MED12L: variants seen among roughly 807,000 people sequenced by gnomAD.
MED12L encodes mediator complex subunit 12L.
Under a neutral mutation model 281.3 loss-of-function variants are expected in MED12L, and 60 were observed. The observed-to-expected ratio is 0.21, with a 90% CI of 0.17 to 0.26. The LOEUF (loss-of-function observed/expected upper bound fraction) is 0.26, where lower values mean the gene tolerates loss of function less well. MED12L is among the 10% of genes least tolerant of loss of function. The pLI, the probability that MED12L is intolerant of heterozygous loss-of-function variation, is 1.00. For missense variants in MED12L, 2,146 were observed against 2,680.9 expected, an observed-to-expected ratio of 0.80 and a Z score of 4.41; for synonymous variants, 974 against 987.2, an observed-to-expected ratio of 0.99 and a Z score of 0.25.
intron 41 of MED12L, among the ~76,000 whole-genome samples, chr3:151,411,938 G>T (rs140518915): frequency 1.3e-5 from 2 of 152,194 alleles, no homozygotes; most frequent in Admixed American, 1.3e-4. Context: ...GCACATGAGA[G>T]TTTTGTTATA....
intron 16 of MED12L, among the ~76,000 whole-genome samples, chr3:151,336,227 A>ACTGGG (rs1750967170): frequency 1.3e-5 from 2 of 152,222 alleles, no homozygotes; most frequent in South Asian, 4.1e-4. Context: ...TACATAGCAG[A>ACTGGG]AATTATTACT....
At chr3:151,155,378 A>G (rs1411791268) in intron 5 of MED12L, among the ~76,000 whole-genome samples, 2 of 152,168 alleles carry the variant, frequency 1.3e-5, no homozygotes, top group African/African-American at 4.8e-5. Flanking sequence ...TTTTTGAACA[A>G]TTTCAGTGAT....
intron 8 of MED12L, among the ~76,000 whole-genome samples, chr3:151,161,129 G>A (rs932023844): frequency 5.3e-5 from 8 of 152,312 alleles, no homozygotes; most frequent in East Asian, 1.9e-4. Flanking sequence ...TGTAATTGTC[G>A]TTAGATTGAT....
chr3:151,280,630 G>GC (rs1742656998), intron 16 of MED12L, among the ~76,000 whole-genome samples: 1 of 152,032 alleles, frequency 6.6e-6, no homozygotes, highest in South Asian at 2.1e-4. Context: ...GGGCTTGTGA[G>GC]CAGTCAGCTT....
At position 151,193,525 on chromosome 3, in the gene MED12L, T is replaced by C. The variant is rs749450428; in HGVS notation, c.2109T>C (p.Asn703=). The change falls in exon 16 of 45, where the codon AAT becomes AAC. Residue 703 remains asparagine, a synonymous_variant. Transcript: ENST00000687756. ...FSPMPGESCE[N]ANTSLGRRMS... ...CTATGCCTGGAGAATCCTGTGAGAATGCCAACACTTCGTTGGGCAGAAGAA... is the reference window on the plus strand; with the variant it reads ...CTATGCCTGGAGAATCCTGTGAGAACGCCAACACTTCGTTGGGCAGAAGAA... The C allele has an allele frequency of 3.2e-5, 51 of 1,613,882 alleles. No homozygotes were observed. Among genetic ancestry groups the C allele is most frequent in the Non-Finnish European group, 4.1e-5 (48 of 1,179,936 alleles).
At chr3:151,287,121 T>G (rs1743611678) in intron 16 of MED12L, among the ~76,000 whole-genome samples, 1 of 152,214 alleles carries the variant, frequency 6.6e-6, no homozygotes, top group African/African-American at 2.4e-5. Context: ...TATTTTAATG[T>G]TATTAGAAAA....
rs373157813 is a variant in MED12L, at chr3:151,223,911, A to G, written c.2250+30245A>G. 5.3e-4 allele frequency among the ~76,000 whole-genome samples: 81 copies of G among 152,328 alleles called. 1 individual carries two copies. In the South Asian group the frequency reaches 0.017, roughly 31 times the overall value. On this transcript the variant is annotated intron_variant, in intron 16 of 44. Transcript: ENST00000687756. ...AGCAAGTCCAGCCTCCTTACACCCA[A>G]CCAAATACCTCGTGTTTTAACTTAC...
chr3:151,333,370 T>A (rs1750567552), intron 16 of MED12L, among the ~76,000 whole-genome samples: 1 of 152,230 alleles, frequency 6.6e-6, no homozygotes, highest in Non-Finnish European at 1.5e-5. Context: ...CAGTAGTGTG[T>A]AAGTGTTCCC....
rs1311145111 is a variant in MED12L at position 151,397,711 on chromosome 3, C to T, written c.5820+2844C>T. ...TCGTGCTATGGCAGGAAGATTTTCTCAGGTTACTCACCCACATATGATATG... is the reference window on the plus strand; with the variant it reads ...TCGTGCTATGGCAGGAAGATTTTCTTAGGTTACTCACCCACATATGATATG... On this transcript the variant is annotated intron_variant, in intron 39 of 44. Transcript: ENST00000687756. 5.9e-5 allele frequency among the ~76,000 whole-genome samples: 9 copies of T among 152,176 alleles called. 1 individual carries two copies. In the South Asian group the frequency reaches 1.9e-3, roughly 31 times the overall value.
chr3:151,116,375 A>G lies in MED12L; in HGVS notation c.137A>G (p.Asn46Ser), dbSNP rs774912832. The change falls in exon 3 of 45, where the codon AAT (asparagine) becomes AGT (serine). Residue 46 changes from asparagine to serine, a missense_variant. Physicochemically the swap from Asn to Ser is conservative, Grantham distance 46 (BLOSUM62 1). Around this residue, in one of 9 missense-constraint regions of MED12L, gnomAD observed 722 missense variants for 861.2 expected, o/e 0.84. Transcript: ENST00000687756. ...LTAVNVKQGF[N>S]NQPAFTGDEH... ...GCTGTGAATGTAAAGCAAGGCTTCA[A>G]TAATCAGCCAGCCTTCACTGGAGAT... The G allele has an allele frequency of 2.1e-5, 34 of 1,613,578 alleles. No individual in the cohort carries two copies. The highest frequency in any genetic ancestry group is 6.7e-5 in the Admixed American group (4 of 60,012).
chr3:151,426,062 T>G (rs1327214473), intron 43 of MED12L, among the ~76,000 whole-genome samples: 1 of 152,204 alleles, frequency 6.6e-6, no homozygotes, highest in Non-Finnish European at 1.5e-5. Flanking sequence ...ATACATAGAT[T>G]ATGATTTGGG....
At chr3:151,099,000 A>G (rs1421073950) in intron 2 of MED12L, among the ~76,000 whole-genome samples, 1 of 151,818 alleles carries the variant, frequency 6.6e-6, no homozygotes, top group Non-Finnish European at 1.5e-5. Context: ...TGAAAGGGAA[A>G]ACCCCTTATA....
intron 11 of MED12L, among the ~76,000 whole-genome samples, chr3:151,169,917 C>T (rs1034290100): frequency 3.3e-5 from 5 of 152,232 alleles, no homozygotes; most frequent in African/African-American, 9.6e-5. Context: ...GTTGCATAGC[C>T]TGCTTCTTCA....
intron 43 of MED12L, among the ~76,000 whole-genome samples, chr3:151,423,185 ATT>A (rs879294860): frequency 1.4e-5 from 2 of 144,040 alleles, no homozygotes; most frequent in African/African-American, 2.5e-5. Context: ...ATGCCCAGCT[ATT>A]TTTTTTTTTT....
chr3:151,356,107 G>A (rs1753884687), intron 19 of MED12L, 68 bp downstream of exon 19: 1 of 1,499,726 alleles, frequency 6.7e-7, no homozygotes, highest in South Asian at 1.3e-5. Context: ...GCAATTTAAA[G>A]TGAGCCAATT....
At chr3:151,329,099 A>G (rs987614742) in intron 16 of MED12L, 2 of 876,668 alleles carry the variant, frequency 2.3e-6, no homozygotes, top group Admixed American at 2.7e-5. Flanking sequence ...CTTTATGTTT[A>G]TAGCATATTA....
intron 16 of MED12L, among the ~76,000 whole-genome samples, chr3:151,255,794 T>C (rs1396540117): frequency 6.6e-6 from 1 of 152,176 alleles, no homozygotes; most frequent in Non-Finnish European, 1.5e-5. Flanking sequence ...CATATGGAGT[T>C]AAATTTGGAT....
At chr3:151,389,868 C>A in intron 37 of MED12L, 111 bp from the exon 38 acceptor site, 1 of 1,003,196 alleles carries the variant, frequency 1.0e-6, no homozygotes, top group Admixed American at 2.1e-5. Flanking sequence ...TAAAAAACAG[C>A]TTTGTACATT....
chr3:151,436,431 G>A lies in MED12L; in HGVS notation c.*3627G>A, dbSNP rs185240266. 3.3e-4 allele frequency: 111 copies of A among 333,640 alleles called. 1 individual carries two copies. The highest frequency in any genetic ancestry group is 1.4e-4 in the South Asian group (3 of 20,870). 20.7% of individuals were successfully genotyped at this position (333,640 alleles called of 1,614,324 possible). A position where few individuals can be genotyped will look rare whatever the true frequency, so the allele number is the denominator to read the frequency against. On this transcript the variant is annotated 3_prime_UTR_variant, in exon 45 of 45. Transcript: ENST00000687756. ...GCCATTTGTTATTTTATAGTGAACC[G>A]TTTCAATGTTTGTTTATTGTTATTT...
Sources: gnomAD v4.1 joint callset for allele counts (sites outside exome capture counted in the v4.1 genomes callset) on GRCh38, gnomAD v4.1.1 for gene constraint, gnomAD v4.1.1 regional missense constraint, MANE v1.5 for transcripts, NCBI Gene and HGNC (gene_info 2026-07-23, HGNC 2026-07-21) for gene names.